TBR1: variants seen among roughly 807,000 people sequenced by gnomAD.
The protein encoded by TBR1 is T-box brain transcription factor 1, also known as T-box brain protein 1.
TBR1 carries 7 observed loss-of-function variants against 60.3 expected under a neutral mutation model. The ratio of observed to expected loss-of-function variants is 0.12; its 90% confidence interval spans 0.07 to 0.22. The LOEUF (loss-of-function observed/expected upper bound fraction) is 0.22. TBR1 is among the 10% of genes least tolerant of loss of function. The probability of loss-of-function intolerance (pLI) is 1.00; values close to 1 mark genes in which losing one functional copy is unlikely to be tolerated. For missense variants in TBR1, 616 were observed against 936.8 expected (o/e 0.66, Z 4.47); for synonymous variants, 417 against 409.9 (o/e 1.02, Z -0.21).
At chr2:161,419,933 A>C in intron 4 of TBR1, 1 of 247,492 alleles carries the variant, frequency 4.0e-6, no homozygotes, top group Non-Finnish European at 7.7e-6. Context: ...AGTTTGAACA[A>C]ATTTAGAAAA....
Position 161,424,107 on chromosome 2 carries a change from C to G in TBR1, c.1929C>G (p.Ala643=). 1 of 1,612,050 alleles carries G rather than the reference C, an allele frequency of 6.2e-7. No homozygotes were observed. Among genetic ancestry groups the G allele is most frequent in the East Asian group, 2.2e-5 (1 of 44,814 alleles). Residue 643 remains alanine (A), a synonymous_variant, in exon 6 of 6, where the codon GCC becomes GCG. Transcript: ENST00000389554. This position sits in a 1 kb window ranked among gnomAD's most constrained non-coding sequence, Gnocchi z 4.4. ...CCAAGCGGAGGCGGATCTCGCCGGC[C>G]GACACGCCCGTGTCCGAGAGTTCGT... ...EQAKRRRISP[A]DTPVSESSSP... is the part of the protein sequence containing the mutation.
Position 161,424,334 on chromosome 2 carries a change from T to G in TBR1, c.*107T>G. 7.8e-7 allele frequency: 1 copy of G among 1,281,554 alleles called. No homozygotes were observed. Among genetic ancestry groups the G allele is most frequent in the Non-Finnish European group, 1.1e-6 (1 of 942,584 alleles). The allele number at this position is 1,281,554 out of a possible 1,614,324, so 79.4% of individuals were successfully genotyped here. A position where few individuals can be genotyped will look rare whatever the true frequency, so the allele number is the denominator to read the frequency against. ...CACTCCTCCTTGCGCACCCACTCATTTTATTTGACCCTCGATGGCCGTCTG... is the reference window on the plus strand; with the variant it reads ...CACTCCTCCTTGCGCACCCACTCATGTTATTTGACCCTCGATGGCCGTCTG... On this transcript the variant is annotated 3_prime_UTR_variant, in exon 6 of 6. Transcript: ENST00000389554. The surrounding 1 kb of genome is among the most constrained non-coding windows in gnomAD (Gnocchi z 4.4).
chr2:161,423,400 A>T lies in TBR1; in HGVS notation c.1222A>T (p.Thr408Ser). The change falls in exon 6 of 6, where the codon ACC becomes TCC. Residue 408 changes from threonine (T) to serine (S), a missense_variant. Physicochemically the swap from Thr to Ser is moderately conservative, Grantham distance 58. Transcript: ENST00000389554. ...IYTGCDMDRL[T>S]PSPNDSPRSQ... ...CACCGGCTGTGACATGGACCGCCTG[A>T]CCCCCTCGCCCAACGACTCGCCGCG... is the stretch of plus-strand genomic sequence containing the variant. 6.4e-7 allele frequency: 1 copy of T among 1,564,992 alleles called. No individual in the cohort carries two copies. The highest frequency in any genetic ancestry group is 8.6e-7 in the Non-Finnish European group (1 of 1,157,464).
At chr2:161,420,123 A>C (rs1427565234) in intron 4 of TBR1, 73 bp from the exon 5 acceptor site, 1 of 1,316,808 alleles carries the variant, frequency 7.6e-7, no homozygotes, top group African/African-American at 1.5e-5. Context: ...TAAAAGTGGC[A>C]GATGATATAT....
At position 161,416,606 on chromosome 2, in the gene TBR1, G is replaced by C; in HGVS notation, c.196G>C (p.Asp66His). 6.2e-7 allele frequency: 1 copy of C among 1,614,180 alleles called. No homozygotes were observed. The highest frequency in any genetic ancestry group is 8.5e-7 in the Non-Finnish European group (1 of 1,180,038). Residue 66 changes from aspartate to histidine, a missense_variant, in exon 1 of 6, where the codon GAC becomes CAC. Asp to His is a moderately conservative substitution (Grantham distance 81). Coordinates refer to ENST00000389554, the MANE Select transcript of TBR1 (RefSeq NM_006593.4). The surrounding 1 kb of genome is among the most constrained non-coding windows in gnomAD (Gnocchi z 6.1). The part of the protein sequence containing the change: ...TRGMTNQSDT[D>H]NFPDSKDSPG... ...GGGGATGACGAATCAGTCAGATACA[G>C]ACAATTTTCCTGACTCCAAGGACTC...
Position 161,424,413 on chromosome 2 carries a change from T to C in TBR1, c.*186T>C. On this transcript the variant is annotated 3_prime_UTR_variant, in exon 6 of 6. Transcript: ENST00000389554. The surrounding 1 kb of genome is among the most constrained non-coding windows in gnomAD (Gnocchi z 4.4). ...GATTTTAACCTTTTTTGCACAGCAG[T>C]CTCTGCAATTAGCTCACCGACCTTC... The C allele has an allele frequency of 1.5e-6, 1 of 650,136 alleles. No homozygotes were observed. The highest frequency in any genetic ancestry group is 2.2e-5 in the South Asian group (1 of 45,488). 40.3% of individuals were successfully genotyped at this position (650,136 alleles called of 1,614,324 possible).
In TBR1 at chr2:161,417,001, G is replaced by A. The variant is rs761081565; in HGVS notation, c.591G>A (p.Pro197=). 6 of 1,614,152 alleles carry A rather than the reference G, an allele frequency of 3.7e-6. No homozygotes were observed. The South Asian group carries it at 6.6e-5, about 18-fold the overall frequency. ...TCTACCAGTTCTCCTCCACCCAGCCGGGGCTGGTGCCCGGCAAAGCACAGG... is the reference window on the plus strand; with the variant it reads ...TCTACCAGTTCTCCTCCACCCAGCCAGGGCTGGTGCCCGGCAAAGCACAGG... ...APFYQFSSTQ[P]GLVPGKAQVY... Residue 197 remains proline, a synonymous_variant, in exon 1 of 6, where the codon CCG becomes CCA. Transcript: ENST00000389554. This position sits in a 1 kb window ranked among gnomAD's most constrained non-coding sequence, Gnocchi z 5.3.
chr2:161,424,110 C>G lies in TBR1; in HGVS notation c.1932C>G (p.Asp644Glu), dbSNP rs201381014. ...QAKRRRISPA[D>E]TPVSESSSPL... ...AGCGGAGGCGGATCTCGCCGGCCGA[C>G]ACGCCCGTGTCCGAGAGTTCGTCCC... Residue 644 changes from aspartate to glutamate, a missense_variant, in exon 6 of 6, where the codon GAC becomes GAG. Physicochemically the swap from Asp to Glu is conservative, Grantham distance 45. This residue lies in a region of TBR1 where 210 missense variants were observed against 297.4 expected (regional missense o/e 0.71). Coordinates refer to ENST00000389554, the MANE Select transcript of TBR1 (RefSeq NM_006593.4). The surrounding 1 kb of genome is among the most constrained non-coding windows in gnomAD (Gnocchi z 4.4). 2 of 1,612,302 alleles carry G rather than the reference C, an allele frequency of 1.2e-6. No homozygotes were observed. Among genetic ancestry groups the G allele is most frequent in the East Asian group, 4.5e-5 (2 of 44,816 alleles).
chr2:161,423,507 C>T lies in TBR1; in HGVS notation c.1329C>T (p.Ala443=), dbSNP rs1684268111. 1.3e-6 allele frequency: 2 copies of T among 1,591,142 alleles called. No homozygotes were observed. The highest frequency in any genetic ancestry group is 2.3e-5 in the South Asian group (2 of 88,230). ...QDQFVSNYAK[A]RFHPGAGAGP... ...AGTTCGTGAGCAACTACGCCAAGGCCCGCTTCCACCCGGGCGCGGGCGCGG... is the reference window on the plus strand; with the variant it reads ...AGTTCGTGAGCAACTACGCCAAGGCTCGCTTCCACCCGGGCGCGGGCGCGG... Residue 443 remains alanine (A), a synonymous_variant, in exon 6 of 6, where the codon GCC becomes GCT. Transcript: ENST00000389554.
Position 161,418,273 on chromosome 2 carries a change from G to T in TBR1, c.920G>T (p.Gly307Val), listed in dbSNP as rs1343611259. Reference protein sequence around the residue: ...AHWMRQEISFGKLKLTNNKGA... With the variant: ...AHWMRQEISFVKLKLTNNKGA... ...TGGATGCGCCAAGAAATCTCTTTTG[G>T]AAAATTAAAACTTACGAACAACAAA... The change falls in exon 3 of 6, where the codon GGA becomes GTA. Residue 307 changes from glycine to valine, a missense_variant. Transcript: ENST00000389554. 6.2e-7 allele frequency: 1 copy of T among 1,613,924 alleles called. No homozygotes were observed. Among genetic ancestry groups the T allele is most frequent in the Non-Finnish European group, 8.5e-7 (1 of 1,180,016 alleles).
Position 161,424,016 on chromosome 2 carries a change from G to T in TBR1, c.1838G>T (p.Ser613Ile). Residue 613 changes from serine to isoleucine, a missense_variant, in exon 6 of 6, where the codon AGC becomes ATC. Physicochemically the swap from Ser to Ile is moderately radical, Grantham distance 142. This residue lies in a region of TBR1 where 210 missense variants were observed against 297.4 expected (regional missense o/e 0.71). Transcript: ENST00000389554. This position sits in a 1 kb window ranked among gnomAD's most constrained non-coding sequence, Gnocchi z 4.4. ...DAKPKDLSDS[S>I]WIETPSSIKS... is the part of the protein sequence containing the mutation. Reference sequence around the variant, plus strand: ...AAGCCCAAGGACCTGTCCGATTCCAGCTGGATCGAGACGCCCTCCTCGATC... The same window carrying T: ...AAGCCCAAGGACCTGTCCGATTCCATCTGGATCGAGACGCCCTCCTCGATC... The T allele has an allele frequency of 6.3e-7, 1 of 1,583,586 alleles. No individual in the cohort carries two copies.
At chr2:161,418,759 C>T (rs1328480745) in intron 3 of TBR1, 133 bp from the exon 4 acceptor site, 22 of 1,243,046 alleles carry the variant, frequency 1.8e-5, no homozygotes, top group Non-Finnish European at 2.2e-5. Flanking sequence ...GCGAGTCCCG[C>T]GGTCAGTTAG....
In TBR1 at chr2:161,417,425, G is replaced by T. The variant is rs1013108678; in HGVS notation, c.693-251G>T. On this transcript the variant is annotated intron_variant, in intron 1 of 5. Coordinates refer to ENST00000389554, the MANE Select transcript of TBR1 (RefSeq NM_006593.4). This position sits in a 1 kb window ranked among gnomAD's most constrained non-coding sequence, Gnocchi z 5.3. ...GCACGGACAGGTGGAGACGCAGGTC[G>T]CCAACCTCGCTCTCCACCTGGGCAG... 51 of 573,488 alleles carry T rather than the reference G, an allele frequency of 8.9e-5. No individual in the cohort carries two copies. The South Asian group carries it at 1.1e-3, about 12-fold the overall frequency. 35.5% of individuals were successfully genotyped at this position (573,488 alleles called of 1,614,324 possible). A position where few individuals can be genotyped will look rare whatever the true frequency, so the allele number is the denominator to read the frequency against.
Position 161,416,876 on chromosome 2 carries a change from G to T in TBR1, c.466G>T (p.Ala156Ser). 2.5e-6 allele frequency: 4 copies of T among 1,614,012 alleles called. No homozygotes were observed. The highest frequency in any genetic ancestry group is 3.4e-6 in the Non-Finnish European group (4 of 1,179,992). ...CCACCACCCGGTCATCACCAACGGA[G>T]CCTACAACAGCCTCCTGTCCAACTC... Reference protein sequence around the residue: ...MAHHPVITNGAYNSLLSNSSP... With the variant: ...MAHHPVITNGSYNSLLSNSSP... The change falls in exon 1 of 6, where the codon GCC becomes TCC. Residue 156 changes from alanine to serine, a missense_variant. Ala to Ser is a moderately conservative substitution (Grantham distance 99, BLOSUM62 1). Around this residue, in one of 8 missense-constraint regions of TBR1, gnomAD observed 211 missense variants for 268.7 expected, o/e 0.79. Transcript: ENST00000389554. The surrounding 1 kb of genome is among the most constrained non-coding windows in gnomAD (Gnocchi z 6.1).
chr2:161,423,296 C>T, intron 5 of TBR1, 73 bp from the exon 6 acceptor site: 1 of 1,090,602 alleles, frequency 9.2e-7, no homozygotes, highest in Non-Finnish European at 1.3e-6. Flanking sequence ...GCCTTCCCTT[C>T]TGCCCCCACC....
At chr2:161,419,723 T>C (rs1684197957) in intron 4 of TBR1, 1 of 152,410 alleles carries the variant, frequency 6.6e-6, no homozygotes, top group Non-Finnish European at 1.5e-5. Flanking sequence ...AATGATAATA[T>C]CAGAAATTAA....
chr2:161,419,343 G>T lies in TBR1; in HGVS notation c.1128+293G>T, dbSNP rs557727458. The T allele has an allele frequency of 1.3e-4, 38 of 281,830 alleles. No individual in the cohort carries two copies. The South Asian group carries it at 2.8e-3, about 21-fold the overall frequency. The allele number at this position is 281,830 out of a possible 1,614,324, so 17.5% of individuals were successfully genotyped here. On this transcript the variant is annotated intron_variant, in intron 4 of 5. Coordinates refer to ENST00000389554, the MANE Select transcript of TBR1 (RefSeq NM_006593.4). The stretch of plus-strand genomic sequence containing the variant: ...TTTTGGGAGTTTTAATTTGGGCTTT[G>T]AACTAGAACAGATTAAAATCTACTT...
In TBR1 at chr2:161,423,918, C is replaced by T. The variant is rs1298729992; in HGVS notation, c.1740C>T (p.Pro580=). The change falls in exon 6 of 6, where the codon CCC becomes CCT. Residue 580 remains proline, a synonymous_variant. Coordinates refer to ENST00000389554, the MANE Select transcript of TBR1 (RefSeq NM_006593.4). ...AAAARMAGAN[P]YLGEEAEGLA... ...CCGCGCGCATGGCCGGCGCCAATCCCTACCTGGGCGAGGAGGCCGAGGGCC... is the reference window on the plus strand; with the variant it reads ...CCGCGCGCATGGCCGGCGCCAATCCTTACCTGGGCGAGGAGGCCGAGGGCC... 2.6e-6 allele frequency: 4 copies of T among 1,525,908 alleles called. No homozygotes were observed. The African/African-American group carries it at 4.2e-5, about 16-fold the overall frequency. The allele number at this position is 1,525,908 out of a possible 1,614,324, so 94.5% of individuals were successfully genotyped here. A position where few individuals can be genotyped will look rare whatever the true frequency, so the allele number is the denominator to read the frequency against.
chr2:161,420,328 G>A, intron 5 of TBR1, 71 bp downstream of exon 5: 7 of 1,232,548 alleles, frequency 5.7e-6, no homozygotes, highest in Non-Finnish European at 7.9e-6. Flanking sequence ...GTATTATTAT[G>A]TACAAGGATT....
Sources: allele counts gnomAD v4.1 joint callset, GRCh38; gene constraint gnomAD v4.1.1; regional missense constraint gnomAD v4.1.1; non-coding constraint Gnocchi (gnomAD v3.1); transcripts MANE v1.5; gene names NCBI Gene and HGNC (gene_info 2026-07-23, HGNC 2026-07-21).